Variants in WFDC1 observed in about 807,000 individuals in gnomAD.
The protein encoded by WFDC1 is WAP four-disulfide core domain 1.
WFDC1 carries 39 observed loss-of-function variants against 32.9 expected under a neutral mutation model. The ratio of observed to expected loss-of-function variants is 1.19; its 90% confidence interval spans 0.92 to 1.55. The LOEUF (loss-of-function observed/expected upper bound fraction) is 1.55, where lower values mean the gene tolerates loss of function less well. WFDC1 is among the 40% of genes most tolerant of loss of function. WFDC1 has a pLI of 0.00. For missense variants in WFDC1, 386 were observed against 309.5 expected (o/e 1.25, Z -1.85); for synonymous variants, 184 against 137.4 (o/e 1.34, Z -2.37).
Position 84,318,276 on chromosome 16 carries a change from A to T in WFDC1, c.342A>T (p.Leu114Phe). The T allele has an allele frequency of 6.2e-7, 1 of 1,614,124 alleles. No individual in the cohort carries two copies. Reference sequence around the variant, plus strand: ...TCTGACCCCGTATTGTGTTAGTCTTAGACTGGCTGGTGCAGCCGAAACCTC... The same window carrying T: ...TCTGACCCCGTATTGTGTTAGTCTTTGACTGGCTGGTGCAGCCGAAACCTC... Reference protein sequence around the residue: ...CLEAVPPPPVLDWLVQPKPRW... With the variant: ...CLEAVPPPPVFDWLVQPKPRW... Residue 114 changes from leucine (L) to phenylalanine (F), a missense_variant, in exon 3 of 7, where the codon TTA becomes TTT. Leu to Phe is a conservative substitution (Grantham distance 22). Transcript: ENST00000219454.
chr16:84,308,126 G>T (rs1166059037), intron 1 of WFDC1, among the ~76,000 whole-genome samples: 2 of 152,142 alleles, frequency 1.3e-5, no homozygotes, highest in African/African-American at 4.8e-5. Context: ...TGGGGGCCAG[G>T]GGCCCCCCTC....
chr16:84,312,685 C>CACCGG, intron 1 of WFDC1, among the ~76,000 whole-genome samples: 1 of 152,088 alleles, frequency 6.6e-6, no homozygotes, highest in South Asian at 2.1e-4. Flanking sequence ...CGGGTAGATA[C>CACCGG]TTAAGTAATT....
At chr16:84,328,249 C>G (rs1908717323) in intron 6 of WFDC1, 1 of 152,692 alleles carries the variant, frequency 6.5e-6, no homozygotes, top group East Asian at 1.9e-4. Flanking sequence ...AGGCTGACTC[C>G]AGAGGAGGCC....
chr16:84,319,909 G>C (rs567240110), intron 4 of WFDC1, among the ~76,000 whole-genome samples: 235 of 152,260 alleles, frequency 1.5e-3, no homozygotes, highest in African/African-American at 5.3e-3. Flanking sequence ...GCTGTTGTGG[G>C]GCGTGACTGA....
At chr16:84,323,910 C>G (rs963340584) in intron 4 of WFDC1, among the ~76,000 whole-genome samples, 5 of 152,344 alleles carry the variant, frequency 3.3e-5, no homozygotes, top group South Asian at 4.1e-4. Flanking sequence ...CACCTGAGGT[C>G]AGGAGTTCGA....
intron 1 of WFDC1, among the ~76,000 whole-genome samples, chr16:84,304,360 C>G (rs1460942885): frequency 1.3e-5 from 2 of 152,162 alleles, no homozygotes. Flanking sequence ...TCCTGAATAG[C>G]TGGGATTATA....
chr16:84,313,143 GC>G lies in WFDC1; in HGVS notation c.332del (p.Pro111ArgfsTer4). On this transcript the variant is annotated frameshift_variant, in exon 2 of 7. Transcript: ENST00000219454. LOFTEE classifies it high-confidence loss of function. ...CAYACLEAVP[P>X]PPVLDWLVQP... ...CCTACGCCTGCCTAGAAGCTGTGCC[GC>G]CCCCGCCAGGTAGGTCCTGGGCCCG... 9 of 1,432,156 alleles carry G rather than the reference GC, an allele frequency of 6.3e-6. No individual in the cohort carries two copies. The highest frequency in any genetic ancestry group is 3.3e-5 in the Admixed American group (1 of 30,466). The allele number at this position is 1,432,156 out of a possible 1,614,324, so 88.7% of individuals were successfully genotyped here.
chr16:84,313,971 G>A (rs555588321), intron 2 of WFDC1, among the ~76,000 whole-genome samples: 53 of 152,278 alleles, frequency 3.5e-4, no homozygotes, highest in African/African-American at 1.1e-3. Context: ...GAACCCAGGA[G>A]GTGGAGCTTG....
Position 84,295,143 on chromosome 16 carries a change from G to T in WFDC1, c.144+28G>T, listed in dbSNP as rs201377086. 1.6e-5 allele frequency: 25 copies of T among 1,610,756 alleles called. No homozygotes were observed. In the Admixed American group the frequency reaches 2.3e-4, roughly 15 times the overall value. On this transcript the variant is annotated intron_variant, in intron 1 of 6. Transcript: ENST00000219454. Reference sequence around the variant, plus strand: ...AAGTGCCTGGGATGGGGAGGCTGGGGCAGCCTGTGTGGGTGGGAGTCAGCC... The same window carrying T: ...AAGTGCCTGGGATGGGGAGGCTGGGTCAGCCTGTGTGGGTGGGAGTCAGCC...
At chr16:84,319,665 A>C in intron 4 of WFDC1, 94 bp downstream of exon 4, 5 of 1,511,790 alleles carry the variant, frequency 3.3e-6, no homozygotes, top group Non-Finnish European at 4.4e-6. Flanking sequence ...CTGCCCCAGG[A>C]AGCAGCCCCA....
chr16:84,308,760 T>C (rs1191654660), intron 1 of WFDC1, among the ~76,000 whole-genome samples: 3 of 150,530 alleles, frequency 2.0e-5, no homozygotes, highest in Non-Finnish European at 3.0e-5. Context: ...TGAGTGTAGA[T>C]GCCAGCCTGG....
intron 1 of WFDC1, among the ~76,000 whole-genome samples, chr16:84,301,490 A>T (rs982938589): frequency 2.0e-5 from 3 of 152,082 alleles, no homozygotes; most frequent in African/African-American, 7.2e-5. Context: ...AGGTGAGCTC[A>T]CACCCTGCGG....
chr16:84,316,825 A>G (rs147979855), intron 2 of WFDC1: 3,771 of 152,196 alleles, frequency 0.025, 77 homozygotes, highest in Non-Finnish European at 0.038. Context: ...TAAAAATACA[A>G]AAATTAGCCA....
intron 1 of WFDC1, among the ~76,000 whole-genome samples, chr16:84,306,704 A>T (rs575752987): frequency 1.3e-5 from 2 of 152,202 alleles, no homozygotes; most frequent in African/African-American, 4.8e-5. Flanking sequence ...GAGTTAATGC[A>T]TGTTAAGCAC....
intron 1 of WFDC1, among the ~76,000 whole-genome samples, chr16:84,307,982 A>T (rs1597671314): frequency 6.6e-6 from 1 of 152,330 alleles, no homozygotes; most frequent in South Asian, 2.1e-4. Flanking sequence ...GTCTTTGGGG[A>T]AAACCATTCA....
At chr16:84,310,033 A>C (rs1051984228) in intron 1 of WFDC1, among the ~76,000 whole-genome samples, 3 of 152,136 alleles carry the variant, frequency 2.0e-5, no homozygotes, top group Non-Finnish European at 2.9e-5. Flanking sequence ...GATTCCAGGG[A>C]GTAGGGCCTG....
intron 1 of WFDC1, among the ~76,000 whole-genome samples, chr16:84,307,506 T>A (rs1907333832): frequency 6.6e-6 from 1 of 152,178 alleles, no homozygotes; most frequent in African/African-American, 2.4e-5. Context: ...AAATGACATT[T>A]GAATTTTCCT....
In WFDC1 at chr16:84,295,057, G is replaced by T; in HGVS notation, c.86G>T (p.Gly29Val). 1 of 1,614,228 alleles carries T rather than the reference G, an allele frequency of 6.2e-7. No individual in the cohort carries two copies. The highest frequency in any genetic ancestry group is 8.5e-7 in the Non-Finnish European group (1 of 1,180,042). The change falls in exon 1 of 7, where the codon GGC becomes GTC. Residue 29 changes from glycine (G) to valine (V), a missense_variant. Transcript: ENST00000219454. Reference sequence around the variant, plus strand: ...CTCTTGCTACTTCTCCTCCACGCCGGCTCTGCCAAGAATATCTGGAAACGG... The same window carrying T: ...CTCTTGCTACTTCTCCTCCACGCCGTCTCTGCCAAGAATATCTGGAAACGG... Reference protein sequence around the residue: ...LCLLLLLLHAGSAKNIWKRAL... With the variant: ...LCLLLLLLHAVSAKNIWKRAL...
In WFDC1 at chr16:84,319,457, G is replaced by A. The variant is rs1908167463; in HGVS notation, c.448G>A (p.Gly150Arg). 3.1e-6 allele frequency: 5 copies of A among 1,611,484 alleles called. No individual in the cohort carries two copies. Among genetic ancestry groups the A allele is most frequent in the Non-Finnish European group, 4.2e-6 (5 of 1,179,908 alleles). Residue 150 changes from glycine (G) to arginine (R), a missense_variant, in exon 4 of 7, where the codon GGG becomes AGG. Physicochemically the swap from Gly to Arg is moderately radical, Grantham distance 125 (BLOSUM62 -2). Transcript: ENST00000219454. ...QAEACSTTED[G>R]AEPLLCPSGY... ...AGAGGCGTGCAGCACCACGGAGGAT[G>A]GGGCCGAACCCCTGCTCTGTCCCTC...
Sources: gnomAD v4.1 joint callset for allele counts (sites outside exome capture counted in the v4.1 genomes callset) on GRCh38, gnomAD v4.1.1 for gene constraint, MANE v1.5 for transcripts, NCBI Gene and HGNC (gene_info 2026-07-23, HGNC 2026-07-21) for gene names.